The following EYS variants were observed in gnomAD, a reference collection of about 807,000 sequenced individuals.
The protein encoded by EYS is EGF-like photoreceptor maintenance factor.
A neutral mutation model predicts 282.1 loss-of-function variants in EYS; 250 were observed. The ratio of observed to expected loss-of-function variants is 0.89; its 90% confidence interval spans 0.80 to 0.98. The LOEUF is 0.98. EYS is among the 50% of genes least tolerant of loss of function. The pLI, the probability that EYS is intolerant of heterozygous loss-of-function variation, is 0.00. For missense variants in EYS, 4,016 were observed against 3,709.0 expected (o/e 1.08, Z -2.15); for synonymous variants, 1,355 against 1,282.9 (o/e 1.06, Z -1.20).
intron 22 of EYS, among the ~76,000 whole-genome samples, chr6:64,751,252 C>A (rs994658581): frequency 1.3e-5 from 2 of 152,206 alleles, no homozygotes; most frequent in Non-Finnish European, 1.5e-5. Flanking sequence ...AGCTGCCCCA[C>A]CCCTCCCACG....
At chr6:63,893,040 A>G (rs321514) in intron 35 of EYS, among the ~76,000 whole-genome samples, 151,357 of 152,292 alleles carry the variant, frequency 0.99, 75,220 homozygotes, top group Middle Eastern at 1. Context: ...ACCACCTTAC[A>G]CCAGTTAGAA....
At chr6:64,911,997 A>T (rs1390519755) in intron 16 of EYS, among the ~76,000 whole-genome samples, 1 of 152,088 alleles carries the variant, frequency 6.6e-6, no homozygotes, top group Non-Finnish European at 1.5e-5. Context: ...CTTGCATAGG[A>T]TTTCTCTCTT....
At chr6:65,555,121 G>C (rs1008538337) in intron 2 of EYS, among the ~76,000 whole-genome samples, 3 of 152,022 alleles carry the variant, frequency 2.0e-5, no homozygotes, top group African/African-American at 4.8e-5. Context: ...TATAGAATGT[G>C]ATAGTTACAG....
chr6:65,329,014 C>T (rs1582146374), intron 11 of EYS, among the ~76,000 whole-genome samples: 1 of 150,936 alleles, frequency 6.6e-6, no homozygotes, highest in East Asian at 1.9e-4. Flanking sequence ...AAAAGCAATG[C>T]TAAAAGGTTA....
At chr6:64,001,012 A>G (rs181121152) in intron 33 of EYS, among the ~76,000 whole-genome samples, 1 of 152,348 alleles carries the variant, frequency 6.6e-6, no homozygotes, top group Admixed American at 6.5e-5. Context: ...CACATAAATC[A>G]TTTGAGGAAA....
intron 26 of EYS, among the ~76,000 whole-genome samples, chr6:64,529,392 T>C (rs1764243342): frequency 6.6e-6 from 1 of 152,064 alleles, no homozygotes; most frequent in Non-Finnish European, 1.5e-5. Context: ...CTCCCTCTAG[T>C]GAAAGTGGTC....
intron 29 of EYS, among the ~76,000 whole-genome samples, chr6:64,356,164 C>T (rs1316646300): frequency 2.0e-5 from 3 of 151,312 alleles, no homozygotes; most frequent in Non-Finnish European, 3.0e-5. Context: ...TGTATTCCAT[C>T]GCACTTGGTG....
intron 22 of EYS, among the ~76,000 whole-genome samples, chr6:64,700,339 A>G (rs1770737051): frequency 6.6e-6 from 1 of 152,096 alleles, no homozygotes; most frequent in South Asian, 2.1e-4. Context: ...AAAGATGCAT[A>G]CTTTCACCAT....
chr6:63,924,280 T>C (rs1306308919), intron 35 of EYS, among the ~76,000 whole-genome samples: 1 of 152,222 alleles, frequency 6.6e-6, no homozygotes, highest in Non-Finnish European at 1.5e-5. Flanking sequence ...TTATAGTGAA[T>C]CAAAACTCAG....
intron 36 of EYS, among the ~76,000 whole-genome samples, chr6:63,859,111 TAA>T (rs1772472199): frequency 2.2e-4 from 16 of 71,184 alleles, no homozygotes; most frequent in African/African-American, 7.6e-4. Flanking sequence ...TTTTTTTTTT[TAA>T]TAGCTGGGAT....
At chr6:63,931,816 A>G (rs1764902929) in intron 35 of EYS, among the ~76,000 whole-genome samples, 1 of 152,204 alleles carries the variant, frequency 6.6e-6, no homozygotes, top group African/African-American at 2.4e-5. Context: ...TAAAGCATAT[A>G]ATAAATTATC....
chr6:64,485,284 C>T (rs1776548143), intron 26 of EYS, among the ~76,000 whole-genome samples: 1 of 151,404 alleles, frequency 6.6e-6, no homozygotes, highest in South Asian at 2.1e-4. Flanking sequence ...ATTTAGTAGC[C>T]CATGACAGAA....
chr6:64,382,448 TTAA>T (rs1772779548), intron 29 of EYS, among the ~76,000 whole-genome samples: 1 of 152,198 alleles, frequency 6.6e-6, no homozygotes. Flanking sequence ...CTTCCCCATC[TTAA>T]TGATGACCCT....
intron 33 of EYS, among the ~76,000 whole-genome samples, chr6:64,027,153 T>A (rs1436078621): frequency 1.3e-5 from 2 of 152,056 alleles, no homozygotes; most frequent in East Asian, 3.9e-4. Flanking sequence ...CCAGTATGGA[T>A]CCCCACTGGG....
intron 24 of EYS, among the ~76,000 whole-genome samples, chr6:64,601,863 CAA>C (rs1305882900): frequency 1.3e-5 from 2 of 152,018 alleles, no homozygotes; most frequent in Non-Finnish European, 2.9e-5. Context: ...TTACTGTGCT[CAA>C]CTCCCATTAT....
intron 36 of EYS, among the ~76,000 whole-genome samples, chr6:63,818,234 A>G (rs1246966721): frequency 6.6e-6 from 1 of 152,214 alleles, no homozygotes; most frequent in African/African-American, 2.4e-5. Context: ...AGGGGGCACA[A>G]GCATATTTTA....
intron 22 of EYS, among the ~76,000 whole-genome samples, chr6:64,757,629 C>T (rs1326336915): frequency 1.3e-5 from 2 of 152,158 alleles, no homozygotes; most frequent in Admixed American, 6.5e-5. Context: ...GAATATTATA[C>T]CACTGTATCA....
intron 15 of EYS, among the ~76,000 whole-genome samples, chr6:64,924,891 G>A (rs934166600): frequency 2.6e-5 from 4 of 152,080 alleles, no homozygotes; most frequent in Non-Finnish European, 4.4e-5. Context: ...AGTTCAAAAC[G>A]TTCCCACATT....
chr6:65,330,596 T>G, intron 11 of EYS: 1 of 964,440 alleles, frequency 1.0e-6, no homozygotes, highest in Non-Finnish European at 1.2e-6. Context: ...TGAATTTTAA[T>G]CTGCACCCAT....
Sources: allele counts gnomAD v4.1 joint callset (sites outside exome capture counted in the v4.1 genomes callset), GRCh38; gene constraint gnomAD v4.1.1; transcripts MANE v1.5; gene names NCBI Gene and HGNC (gene_info 2026-07-23, HGNC 2026-07-21).